Variants in XKR6 observed in about 807,000 individuals in gnomAD.
XKR6 encodes the protein XK related 6.
In XKR6, 22 loss-of-function variants were observed where a neutral mutation model predicts 56.7. The ratio of observed to expected loss-of-function variants is 0.39; its 90% CI spans 0.28 to 0.55. XKR6 has a LOEUF of 0.55. XKR6 is among the 20% of genes least tolerant of loss of function. The pLI is 0.66. For missense variants in XKR6, 852 were observed against 889.0 expected (o/e 0.96, Z 0.53); for synonymous variants, 524 against 387.8 (o/e 1.35, Z -4.13).
At chr8:11,033,045 AGAT>A (rs1233504221) in intron 1 of XKR6, among the ~76,000 whole-genome samples, 2 of 151,816 alleles carry the variant, frequency 1.3e-5, no homozygotes, top group African/African-American at 2.4e-5. Flanking sequence ...ATAATGATGA[AGAT>A]GATGATGATG....
intron 1 of XKR6, among the ~76,000 whole-genome samples, chr8:11,100,593 G>A (rs1175268067): frequency 2.0e-5 from 3 of 152,194 alleles, no homozygotes; most frequent in Non-Finnish European, 4.4e-5. Flanking sequence ...ACTTCCAGAA[G>A]GTGCTTTCCC....
chr8:10,926,211 CA>C (rs1563292433), intron 1 of XKR6, among the ~76,000 whole-genome samples: 1 of 152,166 alleles, frequency 6.6e-6, no homozygotes, highest in African/African-American at 2.4e-5. Flanking sequence ...GTCACTGCCA[CA>C]ACACCAGCTG....
chr8:11,100,324 G>A (rs956105620), intron 1 of XKR6, among the ~76,000 whole-genome samples: 56 of 152,188 alleles, frequency 3.7e-4, no homozygotes, highest in African/African-American at 1.2e-3. Context: ...CAAAGTGCTG[G>A]GATTACAAGT....
chr8:11,081,632 C>A lies in XKR6; in HGVS notation c.764+118944G>T, dbSNP rs77324215. ...GCAGTAACTTCACTCAGCCTGAATTCTTCTTCCTTTCCCCACGGCTCTGAC... is the reference window on the plus strand; with the variant it reads ...GCAGTAACTTCACTCAGCCTGAATTATTCTTCCTTTCCCCACGGCTCTGAC... On this transcript the variant is annotated intron_variant, in intron 1 of 2. Transcript: ENST00000416569. Among the ~76,000 whole-genome samples the A allele has an allele frequency of 8.0e-3, 1,214 of 152,258 alleles. 15 individuals carry two copies. Among genetic ancestry groups the A allele is most frequent in the African/African-American group, 0.027 (1,132 of 41,558 alleles).
chr8:10,982,934 G>C (rs1353850534), intron 1 of XKR6, among the ~76,000 whole-genome samples: 2 of 152,214 alleles, frequency 1.3e-5, no homozygotes, highest in African/African-American at 4.8e-5. Context: ...CTCCTTCCTA[G>C]CTATATGGCC....
At chr8:11,177,064 C>T (rs550029928) in intron 1 of XKR6, among the ~76,000 whole-genome samples, 1 of 152,278 alleles carries the variant, frequency 6.6e-6, no homozygotes, top group African/African-American at 2.4e-5. Context: ...AGCTAAGGAT[C>T]TGAGAACTTG....
chr8:11,018,882 T>C (rs1362297678), intron 1 of XKR6, among the ~76,000 whole-genome samples: 3 of 152,078 alleles, frequency 2.0e-5, no homozygotes, highest in Admixed American at 6.5e-5. Flanking sequence ...CTGCATGCCA[T>C]ACCCTCAGCA....
At chr8:10,962,581 C>T (rs1172574817) in intron 1 of XKR6, among the ~76,000 whole-genome samples, 1 of 152,166 alleles carries the variant, frequency 6.6e-6, no homozygotes, top group African/African-American at 2.4e-5. Flanking sequence ...CTTATCTTCT[C>T]TGTTCCATGT....
intron 1 of XKR6, among the ~76,000 whole-genome samples, chr8:11,097,783 G>C (rs937639084): frequency 7.1e-6 from 1 of 140,564 alleles, no homozygotes; most frequent in African/African-American, 2.9e-5. Context: ...CTCCAGCCTG[G>C]GGGACAAGAG....
At chr8:11,061,967 A>G (rs1799846897) in intron 1 of XKR6, among the ~76,000 whole-genome samples, 1 of 152,258 alleles carries the variant, frequency 6.6e-6, no homozygotes, top group African/African-American at 2.4e-5. Context: ...CCTCCCTCCA[A>G]AGAGAAGGCA....
intron 1 of XKR6, among the ~76,000 whole-genome samples, chr8:11,038,535 GTGT>G (rs1799204438): frequency 6.7e-6 from 1 of 149,230 alleles, no homozygotes; most frequent in African/African-American, 2.5e-5. Context: ...GTGTGTGTGT[GTGT>G]GTGTGTGTGT....
intron 1 of XKR6, among the ~76,000 whole-genome samples, chr8:10,987,253 G>C (rs1797882801): frequency 6.6e-6 from 1 of 152,186 alleles, no homozygotes; most frequent in African/African-American, 2.4e-5. Flanking sequence ...GTCCTGAAGA[G>C]GCACTTACAG....
At chr8:11,168,904 C>A (rs190631526) in intron 1 of XKR6, among the ~76,000 whole-genome samples, 1 of 152,184 alleles carries the variant, frequency 6.6e-6, no homozygotes, top group East Asian at 1.9e-4. Context: ...CTTCTGTGGG[C>A]ATGTACGCAG....
intron 1 of XKR6, chr8:11,035,154 A>T (rs1457853823): frequency 7.5e-6 from 4 of 531,436 alleles, no homozygotes; most frequent in Non-Finnish European, 1.5e-5. Flanking sequence ...AACTATGACA[A>T]ACAGCCAGTC....
chr8:11,014,608 G>A (rs567861484), intron 1 of XKR6, among the ~76,000 whole-genome samples: 61 of 152,108 alleles, frequency 4.0e-4, no homozygotes, highest in Non-Finnish European at 7.1e-4. Context: ...AGTCTTCCCT[G>A]GGGGAAAGGA....
chr8:11,189,368 C>G (rs1485017639), intron 1 of XKR6, among the ~76,000 whole-genome samples: 1 of 152,194 alleles, frequency 6.6e-6, no homozygotes, highest in Non-Finnish European at 1.5e-5. Context: ...AAGGAATCCT[C>G]AATTATATGT....
chr8:10,928,561 CAG>C (rs758992652), intron 1 of XKR6, among the ~76,000 whole-genome samples: 44 of 141,974 alleles, frequency 3.1e-4, no homozygotes, highest in Middle Eastern at 3.6e-3. Context: ...CCGCCTCCTG[CAG>C]AGTCTCCCAT....
chr8:11,154,636 T>A (rs144488233), intron 1 of XKR6, among the ~76,000 whole-genome samples: 2 of 152,200 alleles, frequency 1.3e-5, no homozygotes, highest in East Asian at 1.9e-4. Context: ...AAATCACACC[T>A]CACAACTCAC....
intron 1 of XKR6, among the ~76,000 whole-genome samples, chr8:11,179,742 AC>A (rs1802870003): frequency 6.6e-6 from 1 of 152,194 alleles, no homozygotes; most frequent in Non-Finnish European, 1.5e-5. Flanking sequence ...AATGCTCTCC[AC>A]CATATACAAA....
Sources: allele counts gnomAD v4.1 joint callset (sites outside exome capture counted in the v4.1 genomes callset), GRCh38; gene constraint gnomAD v4.1.1; transcripts MANE v1.5; gene names NCBI Gene and HGNC (gene_info 2026-07-23, HGNC 2026-07-21).